Variants in PCDH9 observed in about 807,000 individuals in gnomAD.
The protein encoded by PCDH9 is protocadherin-9.
Under a neutral mutation model 70.6 loss-of-function variants are expected in PCDH9, and 24 were observed. The observed-to-expected ratio is 0.34, with a 90% confidence interval of 0.25 to 0.48. The LOEUF (loss-of-function observed/expected upper bound fraction) is 0.48, where lower values mean the gene tolerates loss of function less well. Ranked by LOEUF, PCDH9 falls within the 20% of genes least tolerant of loss-of-function variation. PCDH9 has a pLI of 0.99. For synonymous variants in PCDH9, 562 were observed against 558.5 expected, an observed-to-expected ratio of 1.01 and a Z score of -0.09; for missense variants, 1,281 against 1,503.6, an observed-to-expected ratio of 0.85 and a Z score of 2.45.
chr13:66,674,825 G>A (rs987065373), intron 3 of PCDH9, among the ~76,000 whole-genome samples: 1 of 151,876 alleles, frequency 6.6e-6, no homozygotes, highest in Non-Finnish European at 1.5e-5. Flanking sequence ...CCATAAACAG[G>A]TTTCCTATTA....
chr13:66,732,530 A>G (rs569965937), intron 3 of PCDH9, among the ~76,000 whole-genome samples: 4 of 152,032 alleles, frequency 2.6e-5, no homozygotes, highest in Admixed American at 6.6e-5. Flanking sequence ...CACCCCAAAG[A>G]GAATCTAATT....
chr13:66,989,024 G>T (rs1027358357), intron 2 of PCDH9, among the ~76,000 whole-genome samples: 1 of 151,852 alleles, frequency 6.6e-6, no homozygotes, highest in Non-Finnish European at 1.5e-5. Context: ...AAACTTGTTT[G>T]GAGCACAACA....
chr13:66,828,006 T>C (rs1272146822), intron 3 of PCDH9, among the ~76,000 whole-genome samples: 1 of 152,200 alleles, frequency 6.6e-6, no homozygotes, highest in African/African-American at 2.4e-5. Flanking sequence ...ATAGATCGCA[T>C]CTTCTCTCTG....
At chr13:67,123,583 G>A (rs2086917562) in intron 2 of PCDH9, among the ~76,000 whole-genome samples, 1 of 152,098 alleles carries the variant, frequency 6.6e-6, no homozygotes, top group Admixed American at 6.5e-5. Context: ...TCATTGGTTA[G>A]TTTAATTATT....
At chr13:66,419,625 G>T (rs1957526329) in intron 4 of PCDH9, among the ~76,000 whole-genome samples, 1 of 152,226 alleles carries the variant, frequency 6.6e-6, no homozygotes, top group South Asian at 2.1e-4. Context: ...TTCCAGCCAA[G>T]ATGCTATGCT....
intron 4 of PCDH9, among the ~76,000 whole-genome samples, chr13:66,594,319 T>C (rs1402143969): frequency 2.0e-5 from 3 of 151,620 alleles, no homozygotes; most frequent in East Asian, 3.9e-4. Flanking sequence ...ATCATCCAGA[T>C]GGAAAATTTC....
intron 4 of PCDH9, among the ~76,000 whole-genome samples, chr13:66,564,531 C>T (rs755376016): frequency 2.0e-5 from 3 of 152,012 alleles, no homozygotes; most frequent in African/African-American, 4.8e-5. Context: ...GGGAGGACAG[C>T]TGATAACAGA....
intron 2 of PCDH9, among the ~76,000 whole-genome samples, chr13:67,174,041 C>G (rs1381655315): frequency 1.3e-5 from 2 of 151,950 alleles, no homozygotes; most frequent in South Asian, 2.1e-4. Context: ...ATTTTATTTT[C>G]TAGATGTAAT....
chr13:66,925,438 G>A (rs985504270), intron 2 of PCDH9, among the ~76,000 whole-genome samples: 1 of 151,768 alleles, frequency 6.6e-6, no homozygotes, highest in East Asian at 1.9e-4. Flanking sequence ...AGTTCTATGG[G>A]GAGAAGCCAC....
At chr13:66,314,278 T>C (rs1374123880) in intron 4 of PCDH9, among the ~76,000 whole-genome samples, 1 of 152,228 alleles carries the variant, frequency 6.6e-6, no homozygotes, top group African/African-American at 2.4e-5. Context: ...CTTCATCTTG[T>C]ATTAGAGTTC....
chr13:67,169,282 C>T (rs1287385899), intron 2 of PCDH9, among the ~76,000 whole-genome samples: 2 of 152,144 alleles, frequency 1.3e-5, no homozygotes, highest in African/African-American at 2.4e-5. Context: ...TTATAACATC[C>T]TAAAATCATC....
intron 3 of PCDH9, among the ~76,000 whole-genome samples, chr13:66,871,027 G>A (rs2081668805): frequency 6.6e-6 from 1 of 152,044 alleles, no homozygotes; most frequent in South Asian, 2.1e-4. Flanking sequence ...AGAAAATGTG[G>A]CACATATACA....
intron 2 of PCDH9, among the ~76,000 whole-genome samples, chr13:66,950,933 T>TATCA (rs1355074076): frequency 2.0e-5 from 3 of 151,638 alleles, no homozygotes; most frequent in African/African-American, 7.3e-5. Flanking sequence ...GTGAATTTTC[T>TATCA]ATCAGATACA....
intron 2 of PCDH9, among the ~76,000 whole-genome samples, chr13:66,945,655 G>A (rs2083076253): frequency 6.6e-6 from 1 of 152,068 alleles, no homozygotes; most frequent in South Asian, 2.1e-4. Flanking sequence ...ACGCAGCCAT[G>A]CTTTTGAGTA....
chr13:66,685,546 G>T (rs1451434680), intron 3 of PCDH9, among the ~76,000 whole-genome samples: 1 of 152,210 alleles, frequency 6.6e-6, no homozygotes, highest in Non-Finnish European at 1.5e-5. Flanking sequence ...AGTCCCCACT[G>T]GGGTACTGCC....
At chr13:66,528,911 TACTC>T (rs1170843799) in intron 4 of PCDH9, among the ~76,000 whole-genome samples, 3 of 152,098 alleles carry the variant, frequency 2.0e-5, no homozygotes, top group African/African-American at 7.2e-5. Flanking sequence ...AACCTCTCAT[TACTC>T]AATTAATTAT....
At chr13:67,114,117 A>G (rs1315509963) in intron 2 of PCDH9, among the ~76,000 whole-genome samples, 1 of 152,238 alleles carries the variant, frequency 6.6e-6, no homozygotes, top group African/African-American at 2.4e-5. Context: ...TTAAAAAGGC[A>G]GACAAAATCA....
chr13:66,569,835 C>A (rs2076707690), intron 4 of PCDH9, among the ~76,000 whole-genome samples: 1 of 152,120 alleles, frequency 6.6e-6, no homozygotes, highest in Admixed American at 6.5e-5. Flanking sequence ...AATGGTGCTG[C>A]CTCTGGAAAC....
intron 3 of PCDH9, among the ~76,000 whole-genome samples, chr13:66,840,319 A>G (rs1270390582): frequency 6.6e-6 from 1 of 152,240 alleles, no homozygotes; most frequent in Non-Finnish European, 1.5e-5. Flanking sequence ...TCAGAATTAG[A>G]TAACTTGGAG....
Sources: gnomAD v4.1 joint callset for allele counts (sites outside exome capture counted in the v4.1 genomes callset) on GRCh38, gnomAD v4.1.1 for gene constraint, MANE v1.5 for transcripts, NCBI Gene and HGNC (gene_info 2026-07-23, HGNC 2026-07-21) for gene names.